Variants in SNX13 observed in about 807,000 individuals in gnomAD.
SNX13 encodes sorting nexin 13, also known as sorting nexin-13.
In SNX13, 45 loss-of-function variants were observed where a neutral mutation model predicts 133.6. That is an observed-to-expected ratio of 0.34 (90% CI 0.27 to 0.43). The LOEUF (loss-of-function observed/expected upper bound fraction) is 0.43, where lower values mean the gene tolerates loss of function less well. Among genes scored for constraint, SNX13 ranks in the 20% least tolerant of loss-of-function variants. SNX13 has a pLI of 1.00. For synonymous variants in SNX13, 414 were observed against 373.9 expected, an observed-to-expected ratio of 1.11 and a Z score of -1.24; for missense variants, 1,032 against 1,145.1, an observed-to-expected ratio of 0.90 and a Z score of 1.43.
chr7:17,799,935 T>G (rs1038761506), intron 22 of SNX13, among the ~76,000 whole-genome samples: 1 of 151,832 alleles, frequency 6.6e-6, no homozygotes, highest in African/African-American at 2.4e-5. Context: ...TCATCAACAC[T>G]GTAATTTAAA....
chr7:17,914,261 C>T (rs1397778108), intron 1 of SNX13, among the ~76,000 whole-genome samples: 3 of 151,648 alleles, frequency 2.0e-5, no homozygotes, highest in Non-Finnish European at 4.4e-5. Context: ...AAACCTATGC[C>T]TTATTGGCAT....
In SNX13 at chr7:17,828,664, A is replaced by T. The variant is rs568382743; in HGVS notation, c.1635+1346T>A. Among the ~76,000 whole-genome samples the T allele has an allele frequency of 4.0e-5, 6 of 151,794 alleles. No individual in the cohort carries two copies. In the South Asian group the frequency reaches 1.2e-3, roughly 31 times the overall value. On this transcript the variant is annotated intron_variant, in intron 16 of 25. Coordinates refer to ENST00000428135, the MANE Select transcript of SNX13 (RefSeq NM_015132.5). ...TTAGAAGTATGAATTAAATAGATTT[A>T]TGGGAATAAAAAAATACTCCAAGTC...
chr7:17,871,159 C>T (rs1350045072), intron 8 of SNX13, among the ~76,000 whole-genome samples: 1 of 152,030 alleles, frequency 6.6e-6, no homozygotes, highest in Non-Finnish European at 1.5e-5. Flanking sequence ...GCGCCTGCCA[C>T]CATGCCCAGC....
intron 2 of SNX13, among the ~76,000 whole-genome samples, chr7:17,893,750 G>A (rs930070229): frequency 1.3e-5 from 2 of 152,092 alleles, no homozygotes; most frequent in African/African-American, 4.8e-5. Flanking sequence ...CAAGACAGGA[G>A]GATCACAAGG....
intron 17 of SNX13, among the ~76,000 whole-genome samples, chr7:17,825,410 C>T (rs944918644): frequency 5.3e-5 from 8 of 152,122 alleles, no homozygotes; most frequent in South Asian, 4.1e-4. Context: ...AAACACACTT[C>T]TACAATCTAA....
At chr7:17,919,696 T>C (rs1171491813) in intron 1 of SNX13, among the ~76,000 whole-genome samples, 1 of 152,176 alleles carries the variant, frequency 6.6e-6, no homozygotes, top group Non-Finnish European at 1.5e-5. Context: ...GATAAGTCAA[T>C]GAAAGCAACT....
In SNX13 at chr7:17,808,716, T is replaced by G. The variant is rs910313505; in HGVS notation, c.2065-5136A>C. 4.8e-4 allele frequency among the ~76,000 whole-genome samples: 73 copies of G among 152,086 alleles called. 1 individual carries two copies. The highest frequency in any genetic ancestry group is 2.9e-3 in the Admixed American group (45 of 15,272). On this transcript the variant is annotated intron_variant, in intron 20 of 25. Coordinates refer to ENST00000428135, the MANE Select transcript of SNX13 (RefSeq NM_015132.5). ...AGGGCAGCCAGAGAGAAAGGTCAGG[T>G]TACCCACAAAGGGAAGCCCGTCAGA...
At chr7:17,872,735 T>C (rs1446064458) in intron 8 of SNX13, among the ~76,000 whole-genome samples, 2 of 152,236 alleles carry the variant, frequency 1.3e-5, no homozygotes, top group Non-Finnish European at 2.9e-5. Context: ...TTGTTATCTA[T>C]TTTGCAGGAC....
At chr7:17,893,552 A>G in intron 2 of SNX13, 118 bp from the exon 3 acceptor site, 2 of 648,844 alleles carry the variant, frequency 3.1e-6, no homozygotes, top group Non-Finnish European at 5.2e-6. Flanking sequence ...TAAAAAGTCA[A>G]TTTGTGACTT....
At chr7:17,805,870 G>A (rs926638713) in intron 20 of SNX13, among the ~76,000 whole-genome samples, 2 of 152,160 alleles carry the variant, frequency 1.3e-5, no homozygotes, top group Non-Finnish European at 2.9e-5. Flanking sequence ...TATTAGGAGG[G>A]AAGTGGGGTA....
chr7:17,849,439 C>T (rs984822409), intron 11 of SNX13, among the ~76,000 whole-genome samples: 4 of 152,024 alleles, frequency 2.6e-5, no homozygotes, highest in African/African-American at 9.7e-5. Flanking sequence ...CCATTCTTAC[C>T]CCCATCATCT....
intron 7 of SNX13, among the ~76,000 whole-genome samples, chr7:17,875,252 G>A (rs918563928): frequency 2.7e-4 from 41 of 152,080 alleles, no homozygotes; most frequent in African/African-American, 9.7e-4. Flanking sequence ...ACAGGCATGA[G>A]CCACTGCACC....
At chr7:17,936,241 A>G (rs1275994642) in intron 1 of SNX13, among the ~76,000 whole-genome samples, 1 of 152,234 alleles carries the variant, frequency 6.6e-6, no homozygotes, top group Non-Finnish European at 1.5e-5. Context: ...AATATCCTCC[A>G]AATTTATTTC....
At chr7:17,872,222 A>G (rs1291703141) in intron 8 of SNX13, among the ~76,000 whole-genome samples, 1 of 152,248 alleles carries the variant, frequency 6.6e-6, no homozygotes, top group Non-Finnish European at 1.5e-5. Flanking sequence ...AAATTTAAGC[A>G]GAAGAGAAGT....
rs751238902 is a variant in SNX13 at position 17,891,641 on chromosome 7, A to G, written c.229-6T>C. 1 of 1,603,990 alleles carries G rather than the reference A, an allele frequency of 6.2e-7. No homozygotes were observed. Among genetic ancestry groups the G allele is most frequent in the South Asian group, 1.1e-5 (1 of 90,534 alleles). The stretch of plus-strand genomic sequence containing the variant: ...CGTTTCATTTCTTCTAAGCACTTAA[A>G]GGAAATCAAAATATCTTACTGAGTA... On this transcript the variant is annotated splice_polypyrimidine_tract_variant and splice_region_variant and intron_variant, in intron 3 of 25. Transcript: ENST00000428135.
chr7:17,865,107 G>A (rs553029799), intron 9 of SNX13, among the ~76,000 whole-genome samples: 6 of 152,280 alleles, frequency 3.9e-5, no homozygotes, highest in African/African-American at 1.4e-4. Flanking sequence ...CCTAAAGGGA[G>A]TTTTTCAATC....
chr7:17,870,151 G>C (rs892605118), intron 8 of SNX13, among the ~76,000 whole-genome samples: 5 of 152,050 alleles, frequency 3.3e-5, no homozygotes, highest in African/African-American at 1.2e-4. Context: ...ATTTTTAGAA[G>C]ACAGCAATGT....
intron 12 of SNX13, among the ~76,000 whole-genome samples, chr7:17,844,074 A>G (rs1790213249): frequency 6.6e-6 from 1 of 151,998 alleles, no homozygotes; most frequent in African/African-American, 2.4e-5. Context: ...AGTAAAGATT[A>G]GAGCAGAGAT....
In SNX13 at chr7:17,940,460, C is replaced by A. The variant is rs1010213815; in HGVS notation, c.-165G>T. ...TTCGCTGGCCTCCCCTCGGCCCGGT[C>A]GCTCGCGACGGACGCGCCGCCATCT... On this transcript the variant is annotated 5_prime_UTR_variant, in exon 1 of 26. Transcript: ENST00000428135. 3.9e-6 allele frequency: 3 copies of A among 771,044 alleles called. No homozygotes were observed. Among genetic ancestry groups the A allele is most frequent in the South Asian group, 1.5e-5 (1 of 68,816 alleles). 47.8% of individuals were successfully genotyped at this position (771,044 alleles called of 1,614,324 possible).
Sources: gnomAD v4.1 joint callset for allele counts (sites outside exome capture counted in the v4.1 genomes callset) on GRCh38, gnomAD v4.1.1 for gene constraint, MANE v1.5 for transcripts, NCBI Gene and HGNC (gene_info 2026-07-23, HGNC 2026-07-21) for gene names.